CCZ1: variants seen among roughly 807,000 people sequenced by gnomAD.
The protein encoded by CCZ1 is CCZ1 vacuolar protein trafficking and biogenesis associated.
A neutral mutation model predicts 57.8 loss-of-function variants in CCZ1; 19 were observed. That is an observed-to-expected ratio of 0.33 (90% CI 0.23 to 0.48). The LOEUF is 0.48. Among genes scored for constraint, CCZ1 ranks in the 20% least tolerant of loss-of-function variants. The pLI is 0.99. For synonymous variants in CCZ1, 81 were observed against 167.0 expected (o/e 0.49, Z 3.97); for missense variants, 200 against 492.0 (o/e 0.41, Z 5.61).
At chr7:5,906,485 G>A (rs1274413048) in intron 7 of CCZ1, among the ~76,000 whole-genome samples, 1 of 148,188 alleles carries the variant, frequency 6.7e-6, no homozygotes, top group Non-Finnish European at 1.5e-5. Flanking sequence ...ACCATGCCCG[G>A]CTAATTTTTG....
At chr7:5,898,965 C>G (rs1351608563) in intron 1 of CCZ1, 46 bp downstream of exon 1, 38 of 365,976 alleles carry the variant, frequency 1.0e-4, no homozygotes, top group Non-Finnish European at 1.7e-4. Context: ...CGGTGTTCCC[C>G]GGGAAGGTGG....
At chr7:5,905,902 CT>C (rs148585423) in intron 7 of CCZ1, among the ~76,000 whole-genome samples, 42,962 of 91,802 alleles carry the variant, frequency 0.47, 8,221 homozygotes, top group East Asian at 0.72. Flanking sequence ...ATTTTTATAC[CT>C]TTTTTTTTTT....
chr7:5,905,781 CAAAAAAAAAA>C (rs796636886), intron 7 of CCZ1, among the ~76,000 whole-genome samples: 15 of 44,372 alleles, frequency 3.4e-4, no homozygotes, highest in African/African-American at 7.0e-4. Flanking sequence ...ACTCTGTCTC[CAAAAAAAAAA>C]AAAAAAAAAA....
intron 5 of CCZ1, 91 bp from the exon 6 acceptor site, chr7:5,902,570 T>A (rs1170997739): frequency 1.4e-6 from 2 of 1,437,530 alleles, no homozygotes; most frequent in Non-Finnish European, 1.8e-6. Flanking sequence ...ATGAGCTGAA[T>A]TAATAATCTA....
At position 5,911,057 on chromosome 7, in the gene CCZ1, G is replaced by T. The variant is rs570365484; in HGVS notation, c.781-804G>T. Among the ~76,000 whole-genome samples the T allele has an allele frequency of 6.6e-4, 98 of 148,820 alleles. 7 individuals carry two copies. The highest frequency in any genetic ancestry group is 2.4e-3 in the African/African-American group (96 of 40,212). On this transcript the variant is annotated intron_variant, in intron 8 of 14. Coordinates refer to ENST00000325974, the MANE Select transcript of CCZ1 (RefSeq NM_015622.6). ...GGCCAAAAAATTGGATTTTAGATCG[G>T]GTTCTAGGAACCTTTAAAATGCCAG...
intron 10 of CCZ1, among the ~76,000 whole-genome samples, chr7:5,913,792 G>C (rs530013633): frequency 6.2e-4 from 77 of 123,336 alleles, no homozygotes; most frequent in African/African-American, 2.1e-3. Flanking sequence ...AGGCCAGTCA[G>C]CCTCCCCTTC....
chr7:5,908,704 T>G (rs1395080426), intron 7 of CCZ1, among the ~76,000 whole-genome samples: 1 of 145,484 alleles, frequency 6.9e-6, no homozygotes, highest in African/African-American at 2.6e-5. Flanking sequence ...TCAGTGATCT[T>G]GAATAGAAAA....
chr7:5,909,938 T>G, intron 7 of CCZ1, 97 bp from the exon 8 acceptor site: 2 of 1,022,804 alleles, frequency 2.0e-6, no homozygotes, highest in Admixed American at 5.1e-5. Flanking sequence ...TAAAAATGAC[T>G]TGAAAAAAAA....
chr7:5,915,478 T>C (rs1323628877), intron 10 of CCZ1, among the ~76,000 whole-genome samples: 1 of 137,766 alleles, frequency 7.3e-6, no homozygotes, highest in Non-Finnish European at 1.6e-5. Context: ...TCTACAGACA[T>C]ATTGTGGGGT....
chr7:5,904,945 G>A, intron 6 of CCZ1, 149 bp from the exon 7 acceptor site: 19 of 1,120,890 alleles, frequency 1.7e-5, no homozygotes, highest in Non-Finnish European at 2.3e-5. Context: ...AGTTACCCAT[G>A]TCTTCACCAC....
rs569185846 is a variant in CCZ1 at position 5,910,888 on chromosome 7, AC to A, written c.780+774del. Among the ~76,000 whole-genome samples, 104 of 146,960 alleles carry A rather than the reference AC, an allele frequency of 7.1e-4. 7 individuals are homozygous for A. Among genetic ancestry groups the A allele is most frequent in the African/African-American group, 2.6e-3 (101 of 39,534 alleles). On this transcript the variant is annotated intron_variant, in intron 8 of 14. Transcript: ENST00000325974. ...GTAGCTGAGATTATAGGCACCTGCC[AC>A]CATGCCCGGCTAATTTTTATATTTT...
chr7:5,912,018 A>C (rs1779050174), intron 9 of CCZ1, 96 bp downstream of exon 9: 7 of 1,576,426 alleles, frequency 4.4e-6, no homozygotes, highest in Non-Finnish European at 8.6e-7. Context: ...CAGTGGCAAG[A>C]TCTCCGCTCA....
intron 12 of CCZ1, among the ~76,000 whole-genome samples, chr7:5,920,956 T>TTG (rs1472890909): frequency 5.7e-5 from 6 of 105,704 alleles, no homozygotes; most frequent in African/African-American, 1.6e-4. Flanking sequence ...TTTGGGTTTT[T>TTG]TTTTTTTTTT....
chr7:5,904,088 ATTTTT>A (rs746657675), intron 6 of CCZ1, among the ~76,000 whole-genome samples: 2 of 84,474 alleles, frequency 2.4e-5, no homozygotes, highest in Admixed American at 1.3e-4. Flanking sequence ...CAGGGAGTTA[ATTTTT>A]TTTTTTTTTT....
intron 10 of CCZ1, among the ~76,000 whole-genome samples, chr7:5,916,822 G>A: frequency 7.7e-6 from 1 of 129,524 alleles, no homozygotes; most frequent in East Asian, 2.3e-4. Context: ...TTGTTTTCTT[G>A]TGATATCTTT....
chr7:5,899,334 GGTGTGTGTGTGTGTGTGT>G (rs869199583), intron 1 of CCZ1, among the ~76,000 whole-genome samples: 1 of 12,576 alleles, frequency 8.0e-5, no homozygotes, highest in Non-Finnish European at 1.9e-4. Context: ...TCGGGAGGGG[GGTGTGTGTGTGTGTGTGT>G]GTGTGTGTGT....
intron 4 of CCZ1, 122 bp downstream of exon 4, chr7:5,901,054 C>G: frequency 2.0e-6 from 1 of 497,990 alleles, no homozygotes. Flanking sequence ...GGGTATATAG[C>G]AAAGGTTTAT....
At chr7:5,901,832 T>C (rs1781692502) in intron 5 of CCZ1, 128 bp downstream of exon 5, 1 of 1,079,906 alleles carries the variant, frequency 9.3e-7, no homozygotes, top group Admixed American at 2.9e-5. Flanking sequence ...GAGAAGAAAA[T>C]AATGAGGCCT....
intron 7 of CCZ1, among the ~76,000 whole-genome samples, chr7:5,905,507 G>T (rs1420152140): frequency 1.4e-5 from 2 of 146,398 alleles, no homozygotes; most frequent in African/African-American, 5.2e-5. Context: ...TGAAAGGCTG[G>T]GCACGGTGGC....
Sources: gnomAD v4.1 joint callset for allele counts (sites outside exome capture counted in the v4.1 genomes callset) on GRCh38, gnomAD v4.1.1 for gene constraint, MANE v1.5 for transcripts, NCBI Gene and HGNC (gene_info 2026-07-23, HGNC 2026-07-21) for gene names.